Variants in STAG3 observed in about 807,000 individuals in gnomAD.
STAG3 encodes the protein cohesin subunit SA-3.
Under a neutral mutation model 160.7 loss-of-function variants are expected in STAG3, and 101 were observed. That is an observed-to-expected ratio of 0.63 (90% CI 0.54 to 0.74). STAG3 has a LOEUF of 0.74. Among genes scored for constraint, STAG3 ranks in the 30% least tolerant of loss-of-function variants. STAG3 has a pLI of 0.00. For synonymous variants in STAG3, 519 were observed against 585.0 expected, an observed-to-expected ratio of 0.89 and a Z score of 1.63; for missense variants, 1,188 against 1,517.4, an observed-to-expected ratio of 0.78 and a Z score of 3.61.
At chr7:100,178,345 C>G (rs538253190) in intron 1 of STAG3, among the ~76,000 whole-genome samples, 1 of 152,170 alleles carries the variant, frequency 6.6e-6, no homozygotes, top group African/African-American at 2.4e-5. Context: ...CATGGCGCCT[C>G]CACCCCCAAA....
At chr7:100,180,711 C>G in intron 2 of STAG3, 39 bp downstream of exon 2, 5 of 1,252,966 alleles carry the variant, frequency 4.0e-6, no homozygotes, top group Non-Finnish European at 5.9e-6. Context: ...TTCCTGTGTC[C>G]CTGGCAGCCT....
In STAG3 at chr7:100,182,816, A is replaced by C. The variant is rs1335723081; in HGVS notation, c.313A>C (p.Lys105Gln). Reference protein sequence around the residue: ...PPANDLFNAVKAAKSDMQSLV... With the variant: ...PPANDLFNAVQAAKSDMQSLV... Reference sequence around the variant, plus strand: ...AGCCAATGATCTTTTCAATGCTGTGAAAGCCGCCAAAAGTGACATGCAGGT... The same window carrying C: ...AGCCAATGATCTTTTCAATGCTGTGCAAGCCGCCAAAAGTGACATGCAGGT... Residue 105 changes from lysine (K) to glutamine (Q), a missense_variant, in exon 4 of 34, where the codon AAA becomes CAA. Lys to Gln is a moderately conservative substitution (Grantham distance 53). Transcript: ENST00000615138. 6.2e-7 allele frequency: 1 copy of C among 1,613,866 alleles called. No homozygotes were observed. Among genetic ancestry groups the C allele is most frequent in the African/African-American group, 1.3e-5 (1 of 74,896 alleles).
rs1801402863 is a variant in STAG3 at position 100,204,085 on chromosome 7, G to A, written c.2765G>A (p.Ser922Asn). The A allele has an allele frequency of 6.2e-7, 1 of 1,614,012 alleles. No homozygotes were observed. The highest frequency in any genetic ancestry group is 8.5e-7 in the Non-Finnish European group (1 of 1,180,032). The change falls in exon 26 of 34, where the codon AGT becomes AAT. Residue 922 changes from serine to asparagine, a missense_variant. Coordinates refer to ENST00000615138, the MANE Select transcript of STAG3 (RefSeq NM_001282717.2). ...ACTAGAGCAAGGCAGATTGACCGAAGTCATTGTTCCCGAATCCTGCTGCTG... is the reference window on the plus strand; with the variant it reads ...ACTAGAGCAAGGCAGATTGACCGAAATCATTGTTCCCGAATCCTGCTGCTG... Reference protein sequence around the residue: ...TLTRARQIDRSHCSRILLLSL... With the variant: ...TLTRARQIDRNHCSRILLLSL...
At chr7:100,215,077 C>T, downstream of STAG3, 1 of 152,206 alleles carries the variant, frequency 6.6e-6, no homozygotes, top group Non-Finnish European at 1.5e-5. Context: ...TCTCTCTTGT[C>T]CCTCTGACAA....
intron 9 of STAG3, among the ~76,000 whole-genome samples, chr7:100,196,665 C>T (rs1166090619): frequency 1.3e-5 from 2 of 151,988 alleles, no homozygotes; most frequent in East Asian, 1.9e-4. Context: ...TGGTGGTGCA[C>T]CTGTAATCCC....
At chr7:100,204,474 G>A (rs553022197) in intron 26 of STAG3, among the ~76,000 whole-genome samples, 153 bp from the exon 27 acceptor site, 32 of 152,278 alleles carry the variant, frequency 2.1e-4, no homozygotes, top group African/African-American at 7.7e-4. Flanking sequence ...TGCTGCAGGG[G>A]TATCGGGAGT....
chr7:100,180,749 A>T (rs1014155932), intron 2 of STAG3, 77 bp downstream of exon 2: 63 of 886,108 alleles, frequency 7.1e-5, no homozygotes, highest in Non-Finnish European at 1.2e-4. Flanking sequence ...CATTGATGAT[A>T]ATATGCGTGG....
chr7:100,196,998 A>G (rs1485681482), intron 9 of STAG3, among the ~76,000 whole-genome samples, 158 bp from the exon 10 acceptor site: 1 of 152,164 alleles, frequency 6.6e-6, no homozygotes, highest in African/African-American at 2.4e-5. Flanking sequence ...ATTTTACTAT[A>G]TATATAGTAT....
chr7:100,214,400 C>G (rs1358336093), downstream of STAG3: 2 of 263,542 alleles, frequency 7.6e-6, no homozygotes, highest in African/African-American at 4.4e-5. Context: ...CAAGGTGTGG[C>G]TTGAGATCGT....
rs1801072651 is a variant in STAG3 at position 100,200,932 on chromosome 7, C to T, written c.2024C>T (p.Thr675Ile). 2 of 1,614,240 alleles carry T rather than the reference C, an allele frequency of 1.2e-6. No individual in the cohort carries two copies. Among genetic ancestry groups the T allele is most frequent in the South Asian group, 1.1e-5 (1 of 91,086 alleles). Reference protein sequence around the residue: ...FARSQLVDLLTDRFQQELEEL... With the variant: ...FARSQLVDLLIDRFQQELEEL... ...CGCAGCCAGCTAGTAGATTTGCTGACTGACCGCTTCCAGCAGGAGCTTGAA... is the reference window on the plus strand; with the variant it reads ...CGCAGCCAGCTAGTAGATTTGCTGATTGACCGCTTCCAGCAGGAGCTTGAA... Residue 675 changes from threonine to isoleucine, a missense_variant, in exon 19 of 34, where the codon ACT becomes ATT. Thr to Ile is a moderately conservative substitution (Grantham distance 89). Around this residue, in one of 4 missense-constraint regions of STAG3, gnomAD observed 647 missense variants for 717.2 expected, o/e 0.90. Coordinates refer to ENST00000615138, the MANE Select transcript of STAG3 (RefSeq NM_001282717.2).
rs575311544 is a variant in STAG3 at position 100,188,808 on chromosome 7, G to A, written c.511-4G>A. On this transcript the variant is annotated splice_polypyrimidine_tract_variant and splice_region_variant and intron_variant, in intron 6 of 33. Transcript: ENST00000615138. ...TCCCATCCTTTTCATACATCCTTTTGTAGGACTCGGGGGACTACCCTCTCA... is the reference window on the plus strand; with the variant it reads ...TCCCATCCTTTTCATACATCCTTTTATAGGACTCGGGGGACTACCCTCTCA... 3.1e-6 allele frequency: 5 copies of A among 1,614,026 alleles called. No homozygotes were observed. The highest frequency in any genetic ancestry group is 4.2e-6 in the Non-Finnish European group (5 of 1,179,962).
At position 100,188,517 on chromosome 7, in the gene STAG3, G is replaced by A. The variant is rs1329154185; in HGVS notation, c.498G>A (p.Glu166=). Residue 166 remains glutamate (E), a synonymous_variant, in exon 6 of 34, where the codon GAG becomes GAA. Coordinates refer to ENST00000615138, the MANE Select transcript of STAG3 (RefSeq NM_001282717.2). ...SNSEIIQHLT[E]QFNEDSGDYP... ...CAGAGATCATCCAGCACCTAACAGAGCAGTTTAATGAGGTGGAAGAAGATG... is the reference window on the plus strand; with the variant it reads ...CAGAGATCATCCAGCACCTAACAGAACAGTTTAATGAGGTGGAAGAAGATG... 1 of 1,612,782 alleles carries A rather than the reference G, an allele frequency of 6.2e-7. No homozygotes were observed. Among genetic ancestry groups the A allele is most frequent in the Admixed American group, 1.7e-5 (1 of 60,006 alleles).
intron 3 of STAG3, among the ~76,000 whole-genome samples, 192 bp downstream of exon 3, chr7:100,182,384 TAA>T (rs1403605437): frequency 1.3e-5 from 2 of 150,464 alleles, no homozygotes; most frequent in African/African-American, 4.9e-5. Context: ...AAAGAAAACC[TAA>T]AAGAGGTTCA....
At chr7:100,218,966 G>A (rs1336591736), downstream of STAG3, 1 of 158,250 alleles carries the variant, frequency 6.3e-6, no homozygotes, top group Non-Finnish European at 1.4e-5. Flanking sequence ...GAAATAAGAA[G>A]AGTTGAAAAT....
chr7:100,213,948 G>C, intron 33 of STAG3, 59 bp from the exon 34 acceptor site: 2 of 1,613,846 alleles, frequency 1.2e-6, no homozygotes, highest in Non-Finnish European at 1.7e-6. Context: ...AGGGGAGGAT[G>C]GTCTGCCCAT....
At chr7:100,212,806 A>G (rs985433414) in intron 32 of STAG3, 8 of 152,066 alleles carry the variant, frequency 5.3e-5, no homozygotes, top group Non-Finnish European at 1.0e-4. Context: ...AGTTCCAGCA[A>G]CTCGGGAGGT....
chr7:100,182,894 G>C, intron 4 of STAG3, 55 bp downstream of exon 4: 1 of 1,595,982 alleles, frequency 6.3e-7, no homozygotes, highest in East Asian at 2.2e-5. Flanking sequence ...AAGGTGGTAA[G>C]GACAAGTGTC....
At chr7:100,201,445 G>C in intron 21 of STAG3, 94 bp downstream of exon 21, 1 of 1,095,688 alleles carries the variant, frequency 9.1e-7, no homozygotes, top group Non-Finnish European at 1.4e-6. Flanking sequence ...AAGTCTCAGT[G>C]CGTGGAGTGG....
At chr7:100,215,204 C>T (rs539021277), downstream of STAG3, 6 of 152,314 alleles carry the variant, frequency 3.9e-5, no homozygotes, top group African/African-American at 1.2e-4. Flanking sequence ...ATCATGGGCA[C>T]CTGCTTTAGT....
Sources: allele counts gnomAD v4.1 joint callset (sites outside exome capture counted in the v4.1 genomes callset), GRCh38; gene constraint gnomAD v4.1.1; regional missense constraint gnomAD v4.1.1; transcripts MANE v1.5; gene names NCBI Gene and HGNC (gene_info 2026-07-23, HGNC 2026-07-21).